Variants in CARMIL1 observed in about 807,000 individuals in gnomAD.
CARMIL1 encodes the protein capping protein regulator and myosin 1 linker 1.
Under a neutral mutation model 177.1 loss-of-function variants are expected in CARMIL1, and 90 were observed. That is an observed-to-expected ratio of 0.51 (90% CI 0.43 to 0.61). The LOEUF is 0.61. Among genes scored for constraint, CARMIL1 ranks in the 20% least tolerant of loss-of-function variants. CARMIL1 has a pLI of 0.00. For synonymous variants in CARMIL1, 577 were observed against 606.2 expected, an observed-to-expected ratio of 0.95 and a Z score of 0.71; for missense variants, 1,380 against 1,667.0, an observed-to-expected ratio of 0.83 and a Z score of 3.00.
chr6:25,456,129 C>T (rs1799506529), intron 8 of CARMIL1, among the ~76,000 whole-genome samples: 1 of 152,188 alleles, frequency 6.6e-6, no homozygotes, highest in Non-Finnish European at 1.5e-5. Context: ...GAGGCATGTG[C>T]ATCGTCCTGT....
intron 31 of CARMIL1, among the ~76,000 whole-genome samples, chr6:25,584,650 G>C (rs1304218608): frequency 2.0e-5 from 3 of 151,672 alleles, no homozygotes; most frequent in Admixed American, 2.0e-4. Context: ...TTAGACAAAG[G>C]GGGTATGATC....
In CARMIL1 at chr6:25,426,669, T is replaced by A. The variant is rs191119518; in HGVS notation, c.249+109T>A. ...ATAAACAAGGTTAGGGAAGATGAAA[T>A]TTTTGAAATGAGAGACTCAACACTG... is the stretch of plus-strand genomic sequence containing the variant. On this transcript the variant is annotated intron_variant, in intron 4 of 36. Coordinates refer to ENST00000329474, the MANE Select transcript of CARMIL1 (RefSeq NM_017640.6). 3,331 of 978,402 alleles carry A rather than the reference T, an allele frequency of 3.4e-3. 19 individuals carry two copies. The highest frequency in any genetic ancestry group is 0.012 in the Middle Eastern group (56 of 4,532). The allele number at this position is 978,402 out of a possible 1,614,324, so 60.6% of individuals were successfully genotyped here.
intron 3 of CARMIL1, among the ~76,000 whole-genome samples, chr6:25,424,215 T>G (rs1398157434): frequency 6.6e-6 from 1 of 152,200 alleles, no homozygotes; most frequent in Non-Finnish European, 1.5e-5. Context: ...AACACCTCGA[T>G]GCCTTTGCGA....
At chr6:25,592,072 G>T (rs1348979028) in intron 31 of CARMIL1, among the ~76,000 whole-genome samples, 1 of 151,836 alleles carries the variant, frequency 6.6e-6, no homozygotes, top group Non-Finnish European at 1.5e-5. Context: ...GTTTCAAAAT[G>T]AAAAGAGGAA....
chr6:25,595,822 G>T (rs1447225068), intron 32 of CARMIL1, among the ~76,000 whole-genome samples: 1 of 152,142 alleles, frequency 6.6e-6, no homozygotes, highest in Non-Finnish European at 1.5e-5. Flanking sequence ...TTAATGATTT[G>T]CTTTCAAGGC....
chr6:25,322,665 C>G (rs1465913610), intron 2 of CARMIL1, among the ~76,000 whole-genome samples: 1 of 152,192 alleles, frequency 6.6e-6, no homozygotes, highest in African/African-American at 2.4e-5. Context: ...CATTCTTCAG[C>G]CCAACTAGGA....
intron 21 of CARMIL1, 30 bp from the exon 22 acceptor site, chr6:25,517,317 G>C: frequency 6.4e-7 from 1 of 1,556,272 alleles, no homozygotes; most frequent in Non-Finnish European, 8.9e-7. Flanking sequence ...TTAAGTGTCT[G>C]ATCATTTATG....
rs536972757 is a variant in CARMIL1 at position 25,288,038 on chromosome 6, G to T, written c.138+3129G>T. On this transcript the variant is annotated intron_variant, in intron 2 of 36. Coordinates refer to ENST00000329474, the MANE Select transcript of CARMIL1 (RefSeq NM_017640.6). ...AACATGTAGCCAGGCAGTGGTTTCA[G>T]ATGTGCTATGAGTGGATGAATCGGG... is the stretch of plus-strand genomic sequence containing the variant. 5.3e-5 allele frequency among the ~76,000 whole-genome samples: 8 copies of T among 152,312 alleles called. No homozygotes were observed. The South Asian group carries it at 1.7e-3, about 32-fold the overall frequency.
Position 25,600,360 on chromosome 6 carries a change from G to A in CARMIL1, c.3166G>A (p.Gly1056Arg), listed in dbSNP as rs1470470325. Residue 1056 changes from glycine (G) to arginine (R), a missense_variant, in exon 33 of 37, where the codon GGA (glycine) becomes AGA (arginine). Coordinates refer to ENST00000329474, the MANE Select transcript of CARMIL1 (RefSeq NM_017640.6). ...AGAGTCCCATGAGCTTAATGAAGGA[G>A]GAGATGAAAAGAAAAAGCGAGATTC... is the stretch of plus-strand genomic sequence containing the variant. The part of the protein sequence containing the change: ...GSESHELNEG[G>R]DEKKKRDSRK... 1 of 1,613,936 alleles carries A rather than the reference G, an allele frequency of 6.2e-7. No homozygotes were observed. The highest frequency in any genetic ancestry group is 8.5e-7 in the Non-Finnish European group (1 of 1,179,884).
intron 12 of CARMIL1, among the ~76,000 whole-genome samples, chr6:25,487,986 C>T (rs1263862074): frequency 2.6e-5 from 4 of 152,132 alleles, no homozygotes; most frequent in African/African-American, 9.7e-5. Context: ...TTTGTGAAAT[C>T]CATTTTAATC....
intron 2 of CARMIL1, among the ~76,000 whole-genome samples, chr6:25,361,204 T>C (rs1789158843): frequency 6.6e-6 from 1 of 152,258 alleles, no homozygotes. Flanking sequence ...ATTATTCTGA[T>C]TAATTTTTCT....
At chr6:25,587,037 AAGGGAG>A (rs1184224948) in intron 31 of CARMIL1, among the ~76,000 whole-genome samples, 3 of 122,084 alleles carry the variant, frequency 2.5e-5, no homozygotes, top group Non-Finnish European at 5.0e-5. Context: ...AGACTGGGGA[AAGGGAG>A]AGGGAGGGGG....
At chr6:25,450,491 T>A in intron 7 of CARMIL1, 82 bp downstream of exon 7, 1 of 1,277,180 alleles carries the variant, frequency 7.8e-7, no homozygotes, top group Non-Finnish European at 1.1e-6. Context: ...TTTTTCTTTT[T>A]TTCCCTTCAT....
At chr6:25,344,921 A>G (rs1462574492) in intron 2 of CARMIL1, among the ~76,000 whole-genome samples, 2 of 151,910 alleles carry the variant, frequency 1.3e-5, no homozygotes, top group African/African-American at 4.8e-5. Flanking sequence ...TATTTTTCTT[A>G]TTAAATAAAA....
intron 2 of CARMIL1, among the ~76,000 whole-genome samples, chr6:25,323,582 A>G (rs1206060428): frequency 1.3e-5 from 2 of 152,174 alleles, no homozygotes; most frequent in East Asian, 3.9e-4. Context: ...GCACTCCAGC[A>G]TAAAAAGCTT....
chr6:25,280,507 G>T (rs1321608800), intron 1 of CARMIL1, among the ~76,000 whole-genome samples: 1 of 151,738 alleles, frequency 6.6e-6, no homozygotes, highest in Non-Finnish European at 1.5e-5. Flanking sequence ...TTAACCTACC[G>T]ATTCTCCCTA....
In CARMIL1 at chr6:25,502,131, T is replaced by A. The variant is rs12525995; in HGVS notation, c.1395+1896T>A. On this transcript the variant is annotated intron_variant, in intron 17 of 36. Coordinates refer to ENST00000329474, the MANE Select transcript of CARMIL1 (RefSeq NM_017640.6). ...TAGAAACCAAATCTGGTAATATTAATTAATTATTTGTTTACCAGCACTTTA... is the reference window on the plus strand; with the variant it reads ...TAGAAACCAAATCTGGTAATATTAAATAATTATTTGTTTACCAGCACTTTA... 8.3e-3 allele frequency among the ~76,000 whole-genome samples: 1,257 copies of A among 151,864 alleles called. 58 individuals carry two copies. Among genetic ancestry groups the A allele is most frequent in the Admixed American group, 0.069 (1,051 of 15,260 alleles).
intron 8 of CARMIL1, chr6:25,451,985 T>TTCCCCCCCCCCCCCC: frequency 2.8e-5 from 3 of 105,384 alleles, no homozygotes; most frequent in South Asian, 1.7e-4. Flanking sequence ...ACTAGCATCT[T>TTCCCCCCCCCCCCCC]GCCCCCCCCT....
At chr6:25,445,596 G>A (rs894300816) in intron 5 of CARMIL1, among the ~76,000 whole-genome samples, 60 of 149,784 alleles carry the variant, frequency 4.0e-4, no homozygotes, top group Admixed American at 5.3e-4. Flanking sequence ...GTGCAGTGGC[G>A]TGATCTCGGC....
Sources: gnomAD v4.1 joint callset for allele counts (sites outside exome capture counted in the v4.1 genomes callset) on GRCh38, gnomAD v4.1.1 for gene constraint, MANE v1.5 for transcripts, NCBI Gene and HGNC (gene_info 2026-07-23, HGNC 2026-07-21) for gene names.